The following VAC14 variants were observed in gnomAD, a reference collection of about 807,000 sequenced individuals.
VAC14 encodes protein VAC14 homolog.
VAC14 carries 47 observed loss-of-function variants against 85.3 expected under a neutral mutation model. The observed-to-expected ratio is 0.55, with a 90% CI of 0.44 to 0.70. VAC14 has a LOEUF of 0.70. VAC14 is among the 30% of genes least tolerant of loss of function. The probability of loss-of-function intolerance (pLI) is 0.00; values close to 1 mark genes in which losing one functional copy is unlikely to be tolerated. For synonymous variants in VAC14, 447 were observed against 430.5 expected, an observed-to-expected ratio of 1.04 and a Z score of -0.47; for missense variants, 861 against 1,004.3, an observed-to-expected ratio of 0.86 and a Z score of 1.93.
At chr16:70,788,436 C>T (rs1273941610) in intron 1 of VAC14, among the ~76,000 whole-genome samples, 2 of 152,170 alleles carry the variant, frequency 1.3e-5, no homozygotes, top group African/African-American at 2.4e-5. Context: ...TGTGAGTTGC[C>T]CCTTGCTTTC....
intron 1 of VAC14, among the ~76,000 whole-genome samples, chr16:70,798,714 T>C (rs982288046): frequency 3.3e-5 from 5 of 152,200 alleles, no homozygotes; most frequent in African/African-American, 4.8e-5. Flanking sequence ...TCTGATTCCA[T>C]AGGTCTGGAG....
chr16:70,717,331 C>T (rs1369279383), intron 14 of VAC14, among the ~76,000 whole-genome samples: 1 of 152,246 alleles, frequency 6.6e-6, no homozygotes, highest in Admixed American at 6.5e-5. Flanking sequence ...GGAGGAAGAG[C>T]CAGCTGTGGC....
intron 10 of VAC14, among the ~76,000 whole-genome samples, chr16:70,763,632 A>G (rs930702370): frequency 6.6e-6 from 1 of 152,156 alleles, no homozygotes; most frequent in African/African-American, 2.4e-5. Flanking sequence ...CCTAGGAGAG[A>G]CACCCTTGAG....
chr16:70,753,605 G>T (rs2031583093), intron 12 of VAC14, among the ~76,000 whole-genome samples: 1 of 136,754 alleles, frequency 7.3e-6, no homozygotes, highest in South Asian at 2.1e-4. Context: ...ACGCTGGTCT[G>T]TATCTGTGCT....
At chr16:70,695,474 G>T in intron 17 of VAC14, 70 bp downstream of exon 17, 1 of 1,527,006 alleles carries the variant, frequency 6.5e-7, no homozygotes, top group South Asian at 1.1e-5. Flanking sequence ...ACTGGAGCTT[G>T]ACTTCACCCA....
rs1297057074 is a variant in VAC14, at chr16:70,780,835, G to A, written c.1051C>T (p.Pro351Ser). 6.2e-7 allele frequency: 1 copy of A among 1,612,798 alleles called. No homozygotes were observed. Among genetic ancestry groups the A allele is most frequent in the Non-Finnish European group, 8.5e-7 (1 of 1,179,286 alleles). Reference protein sequence around the residue: ...ELRPGQRQAEPTPDDALPKQE... With the variant: ...ELRPGQRQAESTPDDALPKQE... ...TTTGGCAGGGCATCGTCAGGGGTGGGCTCTGCCTGCCTCTGCCCAGGTCTC... is the reference window on the plus strand; with the variant it reads ...TTTGGCAGGGCATCGTCAGGGGTGGACTCTGCCTGCCTCTGCCCAGGTCTC... Residue 351 changes from proline to serine, a missense_variant, in exon 9 of 19, where the codon CCC becomes TCC. Coordinates refer to ENST00000261776, the MANE Select transcript of VAC14 (RefSeq NM_018052.5).
At chr16:70,784,029 T>C (rs1316359395) in intron 5 of VAC14, 84 bp downstream of exon 5, 7 of 1,118,752 alleles carry the variant, frequency 6.3e-6, no homozygotes, top group South Asian at 3.9e-5. Flanking sequence ...AGGGTTCCTA[T>C]AGCCAAAGGG....
At chr16:70,799,074 C>T (rs1037360505) in intron 1 of VAC14, among the ~76,000 whole-genome samples, 7 of 152,124 alleles carry the variant, frequency 4.6e-5, no homozygotes, top group African/African-American at 1.2e-4. Flanking sequence ...ACACAGGTTG[C>T]GCTGGAAGCA....
At chr16:70,697,682 T>G (rs1458473370) in intron 15 of VAC14, among the ~76,000 whole-genome samples, 1 of 152,130 alleles carries the variant, frequency 6.6e-6, no homozygotes, top group Non-Finnish European at 1.5e-5. Flanking sequence ...ACCTCTGCAG[T>G]CCACTTCGAA....
intron 14 of VAC14, among the ~76,000 whole-genome samples, chr16:70,729,502 T>A (rs1429030230): frequency 6.6e-6 from 1 of 151,948 alleles, no homozygotes; most frequent in Non-Finnish European, 1.5e-5. Flanking sequence ...TCCTGTACGC[T>A]CCACTCCCTC....
In VAC14 at chr16:70,786,201, G is replaced by C. The variant is rs1352156100; in HGVS notation, c.255+14C>G. 3 of 1,613,100 alleles carry C rather than the reference G, an allele frequency of 1.9e-6. No individual in the cohort carries two copies. Among genetic ancestry groups the C allele is most frequent in the Non-Finnish European group, 2.5e-6 (3 of 1,179,472 alleles). ...CCAGGACTGGTATGTCTGTCCCTTGGGTGAAAGGCCCACCTTGCCCAGTGC... is the reference window on the plus strand; with the variant it reads ...CCAGGACTGGTATGTCTGTCCCTTGCGTGAAAGGCCCACCTTGCCCAGTGC... On this transcript the variant is annotated intron_variant, in intron 2 of 18. Coordinates refer to ENST00000261776, the MANE Select transcript of VAC14 (RefSeq NM_018052.5).
intron 17 of VAC14, among the ~76,000 whole-genome samples, chr16:70,694,681 C>T (rs2053670861): frequency 6.6e-6 from 1 of 152,226 alleles, no homozygotes; most frequent in Non-Finnish European, 1.5e-5. Context: ...GGCTTCTCTG[C>T]ACATTATAAG....
At chr16:70,742,494 C>T (rs990105150) in intron 13 of VAC14, among the ~76,000 whole-genome samples, 1 of 152,266 alleles carries the variant, frequency 6.6e-6, no homozygotes, top group African/African-American at 2.4e-5. Context: ...GGAGAATGGA[C>T]TCGTTTGCCG....
At chr16:70,753,500 G>A (rs771861786) in intron 12 of VAC14, among the ~76,000 whole-genome samples, 20 of 152,220 alleles carry the variant, frequency 1.3e-4, no homozygotes, top group Admixed American at 5.9e-4. Flanking sequence ...GAAAACCGGG[G>A]GCCCTGGCTT....
chr16:70,719,860 T>C (rs2054246173), intron 14 of VAC14, among the ~76,000 whole-genome samples: 1 of 152,178 alleles, frequency 6.6e-6, no homozygotes, highest in Non-Finnish European at 1.5e-5. Flanking sequence ...CCTAGGTATA[T>C]ACCTAATAGA....
intron 14 of VAC14, among the ~76,000 whole-genome samples, chr16:70,723,181 C>T (rs2054337411): frequency 6.6e-6 from 1 of 151,624 alleles, no homozygotes; most frequent in Non-Finnish European, 1.5e-5. Flanking sequence ...GAGATTGCAC[C>T]ACAGCACTTG....
At position 70,742,968 on chromosome 16, in the gene VAC14, A is replaced by G. The variant is rs565306107; in HGVS notation, c.1528+1455T>C. On this transcript the variant is annotated intron_variant, in intron 13 of 18. Transcript: ENST00000261776. Reference sequence around the variant, plus strand: ...TGCTCTGTGTCTAGCTAAATGCACCAATCAGCACTCTGTAAAAACACTAGC... The same window carrying G: ...TGCTCTGTGTCTAGCTAAATGCACCGATCAGCACTCTGTAAAAACACTAGC... Among the ~76,000 whole-genome samples, 8 of 152,034 alleles carry G rather than the reference A, an allele frequency of 5.3e-5. No individual in the cohort carries two copies. In the South Asian group the frequency reaches 1.7e-3, roughly 31 times the overall value.
At chr16:70,797,222 T>C (rs991423077) in intron 1 of VAC14, among the ~76,000 whole-genome samples, 5 of 152,230 alleles carry the variant, frequency 3.3e-5, no homozygotes, top group Admixed American at 6.5e-5. Context: ...CCAGCATTCC[T>C]TGGCTGGTGG....
intron 10 of VAC14, 63 bp from the exon 11 acceptor site, chr16:70,763,088 C>T: frequency 6.2e-7 from 1 of 1,605,364 alleles, no homozygotes; most frequent in Non-Finnish European, 8.5e-7. Flanking sequence ...CCCATGGAGT[C>T]ATGGCACCAC....
Sources: gnomAD v4.1 joint callset for allele counts (sites outside exome capture counted in the v4.1 genomes callset) on GRCh38, gnomAD v4.1.1 for gene constraint, MANE v1.5 for transcripts, NCBI Gene and HGNC (gene_info 2026-07-23, HGNC 2026-07-21) for gene names.